Variants in CCDC62 observed in about 807,000 individuals in gnomAD.
CCDC62 encodes coiled-coil domain containing 62.
In CCDC62, 72 loss-of-function variants were observed where a neutral mutation model predicts 80.8. The ratio of observed to expected loss-of-function variants is 0.89; its 90% CI spans 0.74 to 1.08. The LOEUF is 1.08. Ranked by LOEUF, CCDC62 falls within the 50% of genes least tolerant of loss-of-function variation. The pLI is 0.00. For synonymous variants in CCDC62, 286 were observed against 296.5 expected (o/e 0.96, Z 0.36); for missense variants, 704 against 809.4 (o/e 0.87, Z 1.58).
intron 12 of CCDC62, among the ~76,000 whole-genome samples, chr12:122,825,994 A>AG: frequency 8.8e-4 from 1 of 1,142 alleles, no homozygotes; most frequent in East Asian, 0.062. Context: ...ACTCCGTCTC[A>AG]AAAAAAAAAA....
chr12:122,806,110 G>A (rs775373166), intron 9 of CCDC62, 41 bp from the exon 10 acceptor site: 6 of 1,578,282 alleles, frequency 3.8e-6, no homozygotes, highest in South Asian at 2.3e-5. Flanking sequence ...GTATGATATT[G>A]TTTTAAGATA....
intron 11 of CCDC62, among the ~76,000 whole-genome samples, chr12:122,814,803 C>G (rs1313409107): frequency 6.6e-6 from 1 of 151,512 alleles, no homozygotes. Context: ...CCACCCTGCC[C>G]GGCCTAATTT....
intron 4 of CCDC62, among the ~76,000 whole-genome samples, chr12:122,786,292 C>T (rs895446052): frequency 2.1e-5 from 3 of 143,248 alleles, no homozygotes; most frequent in Non-Finnish European, 4.6e-5. Flanking sequence ...GGACTACAGG[C>T]GCCCGCCACC....
chr12:122,818,668 A>G (rs1360579957), intron 11 of CCDC62, among the ~76,000 whole-genome samples: 3 of 151,994 alleles, frequency 2.0e-5, no homozygotes, highest in Admixed American at 1.3e-4. Flanking sequence ...CACACCTGTA[A>G]TCCTAGCTCT....
At chr12:122,776,968 G>A (rs535436524) in intron 1 of CCDC62, 56 of 153,108 alleles carry the variant, frequency 3.7e-4, no homozygotes, top group Non-Finnish European at 5.5e-4. Flanking sequence ...GCTAATTTTT[G>A]TATTTTTAGT....
In CCDC62 at chr12:122,801,664, C is replaced by G. The variant is rs375118548; in HGVS notation, c.1518C>G (p.Gly506=). ...SCCQKNEACL[G]ESGMCDSKCC... ...GCCAGAAAAATGAAGCCTGTCTGGGCGAAAGTGGCATGTGTGACTCCAAGT... is the reference window on the plus strand; with the variant it reads ...GCCAGAAAAATGAAGCCTGTCTGGGGGAAAGTGGCATGTGTGACTCCAAGT... The change falls in exon 9 of 13, where the codon GGC becomes GGG. Residue 506 remains glycine, a synonymous_variant. Transcript: ENST00000253079. The G allele has an allele frequency of 1.2e-6, 2 of 1,614,140 alleles. No individual in the cohort carries two copies. The highest frequency in any genetic ancestry group is 1.1e-5 in the South Asian group (1 of 91,074).
chr12:122,775,739 A>C (rs1879407970), intron 1 of CCDC62, among the ~76,000 whole-genome samples: 1 of 152,090 alleles, frequency 6.6e-6, no homozygotes, highest in Non-Finnish European at 1.5e-5. Flanking sequence ...CAGCCTCCCA[A>C]ATAGCTGGGA....
At position 122,806,195 on chromosome 12, in the gene CCDC62, A is replaced by C. The variant is rs1380341053; in HGVS notation, c.1751A>C (p.Lys584Thr). 1 of 1,613,796 alleles carries C rather than the reference A, an allele frequency of 6.2e-7. No homozygotes were observed. Among genetic ancestry groups the C allele is most frequent in the African/African-American group, 1.3e-5 (1 of 74,922 alleles). ...IQDSHSLGSS[K>T]SALREDETES... ...GATTCCCACTCTTTGGGTTCTTCAAAATCTGCCTTGAGAGAAGATGAGACG... is the reference window on the plus strand; with the variant it reads ...GATTCCCACTCTTTGGGTTCTTCAACATCTGCCTTGAGAGAAGATGAGACG... Residue 584 changes from lysine to threonine, a missense_variant, in exon 10 of 13, where the codon AAA becomes ACA. Coordinates refer to ENST00000253079, the MANE Select transcript of CCDC62 (RefSeq NM_201435.5).
chr12:122,777,501 C>T lies in CCDC62; in HGVS notation c.47C>T (p.Ser16Leu). ...GCTTTCTATGTTTAGAACATCGGGT[C>T]AGAAGTTGAGATTTCCACTATCGAG... ...AFLAGRQNIG[S>L]EVEISTIEKQ... Residue 16 changes from serine (S) to leucine (L), a missense_variant, in exon 2 of 13, where the codon TCA becomes TTA. Physicochemically the swap from Ser to Leu is moderately radical, Grantham distance 145 (BLOSUM62 -2). Transcript: ENST00000253079. 6.2e-7 allele frequency: 1 copy of T among 1,610,508 alleles called. No individual in the cohort carries two copies. The highest frequency in any genetic ancestry group is 8.5e-7 in the Non-Finnish European group (1 of 1,177,740).
rs182984708 is a variant in CCDC62, at chr12:122,781,502, G to A, written c.396+172G>A. On this transcript the variant is annotated intron_variant, in intron 3 of 12. Transcript: ENST00000253079. ...GGAGTTCGAGACCAGCCTGGCCAGC[G>A]TGGAGAAACCCCATCTCTACTAAAA... Among the ~76,000 whole-genome samples, 509 of 152,030 alleles carry A rather than the reference G, an allele frequency of 3.3e-3. 5 individuals carry two copies. The highest frequency in any genetic ancestry group is 0.011 in the African/African-American group (475 of 41,474).
chr12:122,821,972 T>G (rs2032420012), intron 11 of CCDC62, among the ~76,000 whole-genome samples: 1 of 151,448 alleles, frequency 6.6e-6, no homozygotes, highest in Non-Finnish European at 1.5e-5. Context: ...CTCACACCTG[T>G]AATCCTAGCC....
Position 122,826,587 on chromosome 12 carries a change from C to A in CCDC62, c.*206C>A. 2 of 603,098 alleles carry A rather than the reference C, an allele frequency of 3.3e-6. No homozygotes were observed. The highest frequency in any genetic ancestry group is 2.2e-5 in the South Asian group (1 of 46,250). 37.4% of individuals were successfully genotyped at this position (603,098 alleles called of 1,614,324 possible). A position where few individuals can be genotyped will look rare whatever the true frequency, so the allele number is the denominator to read the frequency against. On this transcript the variant is annotated 3_prime_UTR_variant, in exon 13 of 13. Transcript: ENST00000253079. ...CATCTACACTTCATTTTCAAGTTAA[C>A]CATTTTTGTGCTGAAGAAATATTTT...
intron 1 of CCDC62, among the ~76,000 whole-genome samples, chr12:122,776,311 A>G (rs1879452030): frequency 6.6e-6 from 1 of 152,256 alleles, no homozygotes; most frequent in African/African-American, 2.4e-5. Flanking sequence ...GGTCAGGCCA[A>G]CTTGTTAGAT....
chr12:122,822,637 G>C (rs1414156972), intron 11 of CCDC62, among the ~76,000 whole-genome samples: 1 of 127,994 alleles, frequency 7.8e-6, no homozygotes, highest in Middle Eastern at 3.3e-3. Context: ...GCAGTGGTGC[G>C]ATCTTGGCTC....
chr12:122,807,400 G>A (rs981631218), intron 10 of CCDC62, among the ~76,000 whole-genome samples: 7 of 151,454 alleles, frequency 4.6e-5, no homozygotes, highest in Non-Finnish European at 1.0e-4. Context: ...GTGTAGTGGC[G>A]GGTGCCTGTA....
rs369868771 is a variant in CCDC62 at position 122,798,220 on chromosome 12, A to G, written c.977+20A>G. The G allele has an allele frequency of 2.7e-6, 3 of 1,122,408 alleles. No homozygotes were observed. The highest frequency in any genetic ancestry group is 4.1e-6 in the Non-Finnish European group (3 of 733,488). The allele number at this position is 1,122,408 out of a possible 1,614,324, so 69.5% of individuals were successfully genotyped here. ...CTCCAGGTAATCTTAGCAAGATGCA[A>G]TTAATATGATCTTGTATTATATTCC... On this transcript the variant is annotated intron_variant, in intron 8 of 12. Transcript: ENST00000253079.
chr12:122,788,798 G>A lies in CCDC62; in HGVS notation c.539G>A (p.Cys180Tyr). Residue 180 changes from cysteine to tyrosine, a missense_variant, in exon 5 of 13, where the codon TGT (cysteine) becomes TAT (tyrosine). Transcript: ENST00000253079. ...IIEAVNHIADCSGKFKMLEHA... is the reference protein window; with the variant it reads ...IIEAVNHIADYSGKFKMLEHA... ...GAGGCAGTTAATCACATTGCAGATTGTTCGGGTAAATTTAAAATGCTAGAG... is the reference window on the plus strand; with the variant it reads ...GAGGCAGTTAATCACATTGCAGATTATTCGGGTAAATTTAAAATGCTAGAG... The A allele has an allele frequency of 6.3e-7, 1 of 1,596,364 alleles. No homozygotes were observed. The highest frequency in any genetic ancestry group is 1.1e-5 in the South Asian group (1 of 87,054).
intron 8 of CCDC62, among the ~76,000 whole-genome samples, chr12:122,798,464 A>G (rs964897200): frequency 3.3e-5 from 5 of 152,116 alleles, no homozygotes; most frequent in Non-Finnish European, 7.4e-5. Context: ...TTAGCCAGGC[A>G]TAGTGGCTCA....
chr12:122,813,215 T>TA (rs1485362971), intron 10 of CCDC62, 55 bp from the exon 11 acceptor site: 2 of 1,505,126 alleles, frequency 1.3e-6, no homozygotes, highest in African/African-American at 2.8e-5. Flanking sequence ...CCTAGGTAGT[T>TA]AGCATTTGTG....
Sources: allele counts gnomAD v4.1 joint callset (sites outside exome capture counted in the v4.1 genomes callset), GRCh38; gene constraint gnomAD v4.1.1; transcripts MANE v1.5; gene names NCBI Gene and HGNC (gene_info 2026-07-23, HGNC 2026-07-21).